The following NTRK3 variants were observed in gnomAD, a reference collection of about 807,000 sequenced individuals.
NTRK3 encodes NT-3 growth factor receptor.
In NTRK3, 24 loss-of-function variants were observed where a neutral mutation model predicts 91.7. The observed-to-expected ratio is 0.26, with a 90% CI of 0.19 to 0.37. The LOEUF (loss-of-function observed/expected upper bound fraction) is 0.37. Among genes scored for constraint, NTRK3 ranks in the 10% least tolerant of loss-of-function variants. NTRK3 has a pLI of 1.00. For missense variants in NTRK3, 880 were observed against 1,068.9 expected (o/e 0.82, Z 2.46); for synonymous variants, 483 against 404.0 (o/e 1.20, Z -2.34).
intron 13 of NTRK3, among the ~76,000 whole-genome samples, chr15:88,119,944 G>A (rs1430229562): frequency 6.6e-6 from 1 of 152,098 alleles, no homozygotes; most frequent in Non-Finnish European, 1.5e-5. Context: ...CACACTTCCA[G>A]TACCAATTCC....
intron 6 of NTRK3, among the ~76,000 whole-genome samples, chr15:88,142,953 G>A (rs879509802): frequency 6.6e-6 from 1 of 152,102 alleles, no homozygotes; most frequent in Non-Finnish European, 1.5e-5. Context: ...AGTGGCTCAT[G>A]TCTGTAATCT....
chr15:88,051,266 C>T (rs768316355), intron 13 of NTRK3, among the ~76,000 whole-genome samples: 2 of 152,192 alleles, frequency 1.3e-5, no homozygotes, highest in Non-Finnish European at 2.9e-5. Flanking sequence ...CCACCACTCC[C>T]TTGAAGCATT....
In NTRK3 at chr15:88,255,352, G is replaced by A. The variant is rs556646369; in HGVS notation, c.248+554C>T. On this transcript the variant is annotated intron_variant, in intron 3 of 18. Transcript: ENST00000394480. The surrounding 1 kb of genome is among the most constrained non-coding windows in gnomAD (Gnocchi z 4.3). ...CTCCACACGTCCAAAGTCTCCCCGC[G>A]AGCAGCCAGCTCGCAACTTGTTTAC... Among the ~76,000 whole-genome samples the A allele has an allele frequency of 2.6e-4, 40 of 152,224 alleles. No individual in the cohort carries two copies. Among genetic ancestry groups the A allele is most frequent in the African/African-American group, 8.4e-4 (35 of 41,550 alleles).
intron 13 of NTRK3, among the ~76,000 whole-genome samples, chr15:88,052,091 C>G (rs189412140): frequency 6.6e-5 from 10 of 152,314 alleles, no homozygotes; most frequent in African/African-American, 2.2e-4. Context: ...AAGGACAACC[C>G]TGTTAACTAT....
Position 88,033,699 on chromosome 15 carries a change from T to C in NTRK3, c.1397-654A>G, listed in dbSNP as rs146217367. ...TCAGAGAACCACCCTAAATTCTCTT[T>C]CTTGAGAATTACTCACCTATCAAAC... is the stretch of plus-strand genomic sequence containing the variant. On this transcript the variant is annotated intron_variant, in intron 13 of 18. Transcript: ENST00000394480. Among the ~76,000 whole-genome samples the C allele has an allele frequency of 7.2e-3, 1,099 of 152,228 alleles. 17 individuals carry two copies. Among genetic ancestry groups the C allele is most frequent in the African/African-American group, 0.024 (985 of 41,528 alleles).
chr15:87,962,663 C>G (rs1416794693), intron 14 of NTRK3, among the ~76,000 whole-genome samples: 1 of 152,164 alleles, frequency 6.6e-6, no homozygotes, highest in African/African-American at 2.4e-5. Context: ...GCTGGAAATG[C>G]CTCTCTCTGA....
At chr15:88,144,855 C>A (rs111243958) in intron 6 of NTRK3, among the ~76,000 whole-genome samples, 2 of 152,124 alleles carry the variant, frequency 1.3e-5, no homozygotes, top group Admixed American at 1.3e-4. Context: ...AGCAAGGATC[C>A]TCTACTGGGC....
chr15:88,030,322 G>A (rs2078408334), intron 14 of NTRK3, among the ~76,000 whole-genome samples: 1 of 152,188 alleles, frequency 6.6e-6, no homozygotes, highest in South Asian at 2.1e-4. Flanking sequence ...TTTGCCTAGT[G>A]GGATGAGTCC....
chr15:88,060,156 A>C (rs2046082705), intron 13 of NTRK3, among the ~76,000 whole-genome samples: 1 of 152,072 alleles, frequency 6.6e-6, no homozygotes, highest in Non-Finnish European at 1.5e-5. Context: ...CAAGGCAGGA[A>C]GATTACTTGA....
intron 5 of NTRK3, among the ~76,000 whole-genome samples, chr15:88,164,972 G>C (rs1028170927): frequency 2.0e-5 from 3 of 152,186 alleles, no homozygotes; most frequent in Non-Finnish European, 2.9e-5. Context: ...TCAAGGAAGA[G>C]ACAAGATAAG....
intron 13 of NTRK3, among the ~76,000 whole-genome samples, chr15:88,051,335 T>C (rs1199427324): frequency 1.3e-5 from 2 of 152,324 alleles, no homozygotes; most frequent in Middle Eastern, 3.4e-3. Context: ...AGTTATTTCT[T>C]CCTGTAGATT....
intron 12 of NTRK3, among the ~76,000 whole-genome samples, chr15:88,126,738 G>A (rs954233581): frequency 6.6e-6 from 1 of 152,128 alleles, no homozygotes; most frequent in Non-Finnish European, 1.5e-5. Flanking sequence ...TCTTATCCAG[G>A]AAAGTCGAAA....
At chr15:88,062,753 C>T (rs2046329328) in intron 13 of NTRK3, among the ~76,000 whole-genome samples, 1 of 152,226 alleles carries the variant, frequency 6.6e-6, no homozygotes, top group African/African-American at 2.4e-5. Context: ...TGAATTCTAT[C>T]TTTATTATCA....
At chr15:88,025,804 G>A (rs1164110784) in intron 14 of NTRK3, among the ~76,000 whole-genome samples, 1 of 152,150 alleles carries the variant, frequency 6.6e-6, no homozygotes, top group Non-Finnish European at 1.5e-5. Context: ...TTTTCACTAA[G>A]TGAGGAAATA....
intron 13 of NTRK3, among the ~76,000 whole-genome samples, chr15:88,062,455 T>C (rs1461452679): frequency 6.6e-6 from 1 of 152,150 alleles, no homozygotes; most frequent in Non-Finnish European, 1.5e-5. Flanking sequence ...TGGCTAGTAA[T>C]TCCTAGGAAG....
chr15:87,862,928 T>G (rs12906800), exon 19 of NTRK3: 4,322 of 230,818 alleles, frequency 0.019, 64 homozygotes, highest in Middle Eastern at 0.034. Context: ...TCAACTGCTG[T>G]GAAACATTGC....
intron 3 of NTRK3, among the ~76,000 whole-genome samples, chr15:88,190,090 G>A (rs563144557): frequency 2.6e-5 from 4 of 152,208 alleles, no homozygotes; most frequent in East Asian, 1.9e-4. Flanking sequence ...GAACTCGGTC[G>A]GTGGGACTTA....
chr15:88,192,243 A>C (rs539054421), intron 3 of NTRK3, among the ~76,000 whole-genome samples: 46 of 152,206 alleles, frequency 3.0e-4, no homozygotes, highest in African/African-American at 1.1e-3. Flanking sequence ...CTTCACTGCT[A>C]CCCCACTAAG....
intron 13 of NTRK3, among the ~76,000 whole-genome samples, chr15:88,060,626 C>G (rs968791873): frequency 6.6e-6 from 1 of 152,064 alleles, no homozygotes; most frequent in South Asian, 2.1e-4. Context: ...AGAGCAGGCA[C>G]TTTGATGGGA....
Sources: gnomAD v4.1 joint callset for allele counts (sites outside exome capture counted in the v4.1 genomes callset) on GRCh38, gnomAD v4.1.1 for gene constraint, Gnocchi (gnomAD v3.1) non-coding constraint, MANE v1.5 for transcripts, NCBI Gene and HGNC (gene_info 2026-07-23, HGNC 2026-07-21) for gene names.